The following DGKB variants were observed in gnomAD, a reference collection of about 807,000 sequenced individuals.
DGKB encodes the protein 90 kDa diacylglycerol kinase.
DGKB carries 67 observed loss-of-function variants against 114.3 expected under a neutral mutation model. That is an observed-to-expected ratio of 0.59 (90% CI 0.48 to 0.72). The LOEUF (loss-of-function observed/expected upper bound fraction) is 0.72. Ranked by LOEUF, DGKB falls within the 30% of genes least tolerant of loss-of-function variation. The pLI, the probability that DGKB is intolerant of heterozygous loss-of-function variation, is 0.00. For synonymous variants in DGKB, 398 were observed against 323.1 expected, an observed-to-expected ratio of 1.23 and a Z score of -2.49; for missense variants, 907 against 975.2, an observed-to-expected ratio of 0.93 and a Z score of 0.93.
chr7:14,276,674 AT>A (rs10713252), intron 23 of DGKB, among the ~76,000 whole-genome samples: 18,514 of 152,020 alleles, frequency 0.12, 3,220 homozygotes, highest in African/African-American at 0.39. Flanking sequence ...TTTAAGTATT[AT>A]AAAAATAGTA....
chr7:14,526,004 T>C (rs1790581008), intron 20 of DGKB, among the ~76,000 whole-genome samples: 1 of 152,164 alleles, frequency 6.6e-6, no homozygotes, highest in Admixed American at 6.6e-5. Flanking sequence ...CTAAACAAAC[T>C]AATTTCTATA....
chr7:14,157,365 C>G (rs1293864961), intron 25 of DGKB, among the ~76,000 whole-genome samples: 2 of 111,016 alleles, frequency 1.8e-5, no homozygotes, highest in African/African-American at 6.7e-5. Flanking sequence ...TTTCTAAAAT[C>G]CTTTTGCCAG....
intron 2 of DGKB, among the ~76,000 whole-genome samples, chr7:14,810,770 G>A (rs1843331538): frequency 6.6e-6 from 1 of 152,098 alleles, no homozygotes; most frequent in Admixed American, 6.6e-5. Context: ...CACCATGCCA[G>A]GCTACCATTT....
At chr7:14,520,672 T>C (rs1455562404) in intron 20 of DGKB, among the ~76,000 whole-genome samples, 1 of 152,074 alleles carries the variant, frequency 6.6e-6, no homozygotes, top group Non-Finnish European at 1.5e-5. Flanking sequence ...AATTTTGTCA[T>C]GGTCAGAGCA....
At chr7:14,304,025 A>G (rs1315588289) in intron 23 of DGKB, among the ~76,000 whole-genome samples, 1 of 146,990 alleles carries the variant, frequency 6.8e-6, no homozygotes, top group Non-Finnish European at 1.5e-5. Flanking sequence ...GTCTGCTATT[A>G]TACACCATTT....
At chr7:14,808,204 A>G (rs1842990743) in intron 2 of DGKB, among the ~76,000 whole-genome samples, 1 of 152,078 alleles carries the variant, frequency 6.6e-6, no homozygotes, top group African/African-American at 2.4e-5. Context: ...AATAGATTAG[A>G]TGATCATTTC....
chr7:14,630,283 A>C lies in DGKB; in HGVS notation c.1135-15T>G. The stretch of plus-strand genomic sequence containing the variant: ...GTGGGCAGAGTCTGCTGAAAAAGAG[A>C]AGTTCATATGAAAGCTGAAAAAGAG... On this transcript the variant is annotated splice_polypyrimidine_tract_variant and intron_variant, in intron 13 of 25. Transcript: ENST00000402815. 1 of 1,552,322 alleles carries C rather than the reference A, an allele frequency of 6.4e-7. No homozygotes were observed. Among genetic ancestry groups the C allele is most frequent in the Non-Finnish European group, 8.7e-7 (1 of 1,148,142 alleles).
chr7:14,799,102 T>A (rs963042120), intron 2 of DGKB, among the ~76,000 whole-genome samples: 2 of 152,190 alleles, frequency 1.3e-5, no homozygotes, highest in African/African-American at 4.8e-5. Context: ...ATTATAAACT[T>A]AATCAGGTGG....
intron 21 of DGKB, among the ~76,000 whole-genome samples, chr7:14,429,647 G>C (rs530554053): frequency 2.0e-5 from 3 of 152,128 alleles, no homozygotes; most frequent in African/African-American, 4.8e-5. Context: ...TGGGGGCCAG[G>C]CACGGTGGTT....
chr7:14,314,811 A>G (rs907665208), intron 23 of DGKB, among the ~76,000 whole-genome samples: 15 of 151,510 alleles, frequency 9.9e-5, no homozygotes, highest in Admixed American at 4.6e-4. Context: ...GAGAAGAGCA[A>G]CTCCAAGACA....
intron 1 of DGKB, among the ~76,000 whole-genome samples, chr7:14,928,658 ATTTAT>A (rs567998653): frequency 6.0e-5 from 9 of 150,738 alleles, no homozygotes; most frequent in South Asian, 4.1e-4. Context: ...TTCATTTTTT[ATTTAT>A]TTTATTTTAA....
chr7:14,471,646 C>G (rs901275617), intron 21 of DGKB, among the ~76,000 whole-genome samples: 3 of 151,524 alleles, frequency 2.0e-5, no homozygotes, highest in African/African-American at 7.3e-5. Flanking sequence ...TACGTAAAGG[C>G]TGAGAAAACT....
intron 2 of DGKB, among the ~76,000 whole-genome samples, chr7:14,802,562 A>G (rs896976432): frequency 6.6e-6 from 1 of 152,174 alleles, no homozygotes; most frequent in Non-Finnish European, 1.5e-5. Flanking sequence ...TTATAAACCA[A>G]TGCTGAATTG....
intron 1 of DGKB, among the ~76,000 whole-genome samples, chr7:14,948,016 C>A (rs1785976962): frequency 6.6e-6 from 1 of 151,616 alleles, no homozygotes. Context: ...CGTGGTTGCT[C>A]AGAGGGAATG....
intron 20 of DGKB, among the ~76,000 whole-genome samples, chr7:14,487,788 T>C (rs12536087): frequency 0.016 from 2,497 of 151,476 alleles, 33 homozygotes; most frequent in Middle Eastern, 0.027. Context: ...TTTTTTTCTT[T>C]AGAGATGAGA....
At chr7:14,159,974 A>G (rs914030591) in intron 25 of DGKB, among the ~76,000 whole-genome samples, 3 of 152,136 alleles carry the variant, frequency 2.0e-5, no homozygotes, top group Non-Finnish European at 4.4e-5. Context: ...TGCCTGGCCA[A>G]TCATTGATAT....
chr7:14,638,242 T>G (rs1296527868), intron 13 of DGKB, among the ~76,000 whole-genome samples: 1 of 152,110 alleles, frequency 6.6e-6, no homozygotes, highest in Non-Finnish European at 1.5e-5. Flanking sequence ...TTTCGAAATT[T>G]AGTAGTAACT....
At chr7:14,670,584 C>T (rs977720318) in intron 13 of DGKB, among the ~76,000 whole-genome samples, 5 of 151,998 alleles carry the variant, frequency 3.3e-5, no homozygotes, top group Non-Finnish European at 4.4e-5. Flanking sequence ...GGATTACAGG[C>T]GTGAGCCACC....
chr7:14,176,710 C>A, intron 25 of DGKB, 129 bp downstream of exon 25: 2 of 1,504,636 alleles, frequency 1.3e-6, no homozygotes, highest in Non-Finnish European at 1.8e-6. Context: ...CACATAACAA[C>A]AACAACAAAA....
Sources: gnomAD v4.1 joint callset for allele counts (sites outside exome capture counted in the v4.1 genomes callset) on GRCh38, gnomAD v4.1.1 for gene constraint, MANE v1.5 for transcripts, NCBI Gene and HGNC (gene_info 2026-07-23, HGNC 2026-07-21) for gene names.